Variants in BMPER observed in about 807,000 individuals in gnomAD.
BMPER encodes BMP binding endothelial regulator.
A neutral mutation model predicts 87.3 loss-of-function variants in BMPER; 45 were observed. That is an observed-to-expected ratio of 0.52 (90% confidence interval 0.41 to 0.66). The LOEUF (loss-of-function observed/expected upper bound fraction) is 0.66. Among genes scored for constraint, BMPER ranks in the 30% least tolerant of loss-of-function variants. BMPER has a pLI of 0.00. For synonymous variants in BMPER, 326 were observed against 316.2 expected, an observed-to-expected ratio of 1.03 and a Z score of -0.33; for missense variants, 784 against 867.5, an observed-to-expected ratio of 0.90 and a Z score of 1.21.
At chr7:33,924,440 C>T (rs1018233273) in intron 2 of BMPER, among the ~76,000 whole-genome samples, 3 of 152,086 alleles carry the variant, frequency 2.0e-5, no homozygotes, top group East Asian at 1.9e-4. Context: ...CGGCTCCGGA[C>T]GCCATCTTGG....
At chr7:34,007,156 G>A (rs937751397) in intron 6 of BMPER, among the ~76,000 whole-genome samples, 9 of 151,972 alleles carry the variant, frequency 5.9e-5, no homozygotes, top group Non-Finnish European at 1.0e-4. Flanking sequence ...GCATTGAAAA[G>A]GACATTGAGA....
chr7:34,114,332 A>C (rs1043411769), intron 13 of BMPER, among the ~76,000 whole-genome samples: 1 of 152,188 alleles, frequency 6.6e-6, no homozygotes, highest in South Asian at 2.1e-4. Context: ...ATAGATTCTC[A>C]TCATCCCTTT....
In BMPER at chr7:34,131,737, G is replaced by T. The variant is rs80115315; in HGVS notation, c.1746-11493G>T. The stretch of plus-strand genomic sequence containing the variant: ...CCATGGCCAACACAGGCAAACCCAG[G>T]CTAGTATTGTTCGGCTGCCAATGGG... On this transcript the variant is annotated intron_variant, in intron 13 of 14. Coordinates refer to ENST00000649409, the MANE Select transcript of BMPER (RefSeq NM_001365308.1). 4.4e-3 allele frequency among the ~76,000 whole-genome samples: 664 copies of T among 152,294 alleles called. 3 individuals carry two copies. The highest frequency in any genetic ancestry group is 0.014 in the African/African-American group (590 of 41,564).
chr7:33,906,588 A>G (rs182163486), intron 1 of BMPER, among the ~76,000 whole-genome samples: 5 of 152,344 alleles, frequency 3.3e-5, no homozygotes, highest in Admixed American at 3.3e-4. Context: ...AGAACAGATA[A>G]TTTATCCCTA....
chr7:33,986,768 C>A (rs541124038), intron 6 of BMPER, among the ~76,000 whole-genome samples: 2 of 152,110 alleles, frequency 1.3e-5, no homozygotes, highest in Non-Finnish European at 2.9e-5. Context: ...AAAGAAATAT[C>A]CTTTTTAGTC....
chr7:34,090,597 T>C (rs1425738153), intron 13 of BMPER, among the ~76,000 whole-genome samples: 1 of 152,244 alleles, frequency 6.6e-6, no homozygotes, highest in Non-Finnish European at 1.5e-5. Flanking sequence ...AGATGAGCTA[T>C]GCCTTTGTGG....
At chr7:33,987,230 G>A (rs2127922165) in intron 6 of BMPER, among the ~76,000 whole-genome samples, 1 of 152,210 alleles carries the variant, frequency 6.6e-6, no homozygotes. Context: ...TTTGGAGGGT[G>A]GCAGTGCTCC....
intron 13 of BMPER, among the ~76,000 whole-genome samples, chr7:34,119,014 T>TCTCTCTCTCACACACACACACACACACA (rs66493349): frequency 1.5e-5 from 2 of 135,794 alleles, no homozygotes; most frequent in African/African-American, 5.3e-5. Context: ...TCTCTCTCTC[T>TCTCTCTCTCACACACACACACACACACA]CACACACACA....
At chr7:34,012,213 T>C (rs1786902622) in intron 6 of BMPER, among the ~76,000 whole-genome samples, 1 of 151,952 alleles carries the variant, frequency 6.6e-6, no homozygotes, top group South Asian at 2.1e-4. Flanking sequence ...ATGACTCTCA[T>C]TTCAGTTTGA....
chr7:34,059,642 G>C (rs1183034265), intron 10 of BMPER, among the ~76,000 whole-genome samples: 1 of 151,244 alleles, frequency 6.6e-6, no homozygotes, highest in Non-Finnish European at 1.5e-5. Context: ...TCCCTTCTCG[G>C]GGGCCAGCAG....
rs533740753 is a variant in BMPER at position 34,041,730 on chromosome 7, C to G, written c.577-4576C>G. 1.4e-4 allele frequency among the ~76,000 whole-genome samples: 21 copies of G among 152,254 alleles called. No individual in the cohort carries two copies. The South Asian group carries it at 3.5e-3, about 26-fold the overall frequency. ...GTATTTCTCCCCTACACTGCCCCCTCCAACTTCTCTCTCTTTTCTTCCCAC... is the reference window on the plus strand; with the variant it reads ...GTATTTCTCCCCTACACTGCCCCCTGCAACTTCTCTCTCTTTTCTTCCCAC... On this transcript the variant is annotated intron_variant, in intron 6 of 14. Transcript: ENST00000649409.
chr7:34,031,883 C>CATAT (rs757962483), intron 6 of BMPER, among the ~76,000 whole-genome samples: 29 of 53,056 alleles, frequency 5.5e-4, no homozygotes, highest in Non-Finnish European at 5.7e-4. Flanking sequence ...TTAATTTGAC[C>CATAT]ATATATATAT....
chr7:34,139,353 A>G (rs1355139695), intron 13 of BMPER, among the ~76,000 whole-genome samples: 1 of 152,224 alleles, frequency 6.6e-6, no homozygotes, highest in Non-Finnish European at 1.5e-5. Flanking sequence ...ACCTACAAAT[A>G]GAAGCTCTCA....
intron 6 of BMPER, among the ~76,000 whole-genome samples, chr7:34,030,418 G>A (rs1787490518): frequency 6.6e-6 from 1 of 152,008 alleles, no homozygotes; most frequent in Non-Finnish European, 1.5e-5. Context: ...ACCATATCCT[G>A]TATTTCCCCA....
At chr7:33,989,524 C>T (rs1786134341) in intron 6 of BMPER, among the ~76,000 whole-genome samples, 1 of 152,150 alleles carries the variant, frequency 6.6e-6, no homozygotes, top group Non-Finnish European at 1.5e-5. Flanking sequence ...AGCCCTTTGT[C>T]AGATGAGTAG....
intron 6 of BMPER, among the ~76,000 whole-genome samples, chr7:34,022,687 A>G (rs1787226974): frequency 6.7e-6 from 1 of 150,270 alleles, no homozygotes. Context: ...TTGTTGAACC[A>G]ATCCCTTTAA....
intron 2 of BMPER, among the ~76,000 whole-genome samples, chr7:33,933,728 T>G (rs1258447400): frequency 6.6e-6 from 1 of 152,158 alleles, no homozygotes; most frequent in African/African-American, 2.4e-5. Flanking sequence ...AGAGAGTTCC[T>G]GTCTGGAGCC....
At chr7:34,025,209 T>A (rs1787325313) in intron 6 of BMPER, among the ~76,000 whole-genome samples, 1 of 152,108 alleles carries the variant, frequency 6.6e-6, no homozygotes, top group Admixed American at 6.6e-5. Flanking sequence ...AAACTTTAAC[T>A]TGACCTTTTA....
chr7:33,933,775 C>T (rs1338204821), intron 2 of BMPER, among the ~76,000 whole-genome samples: 1 of 152,094 alleles, frequency 6.6e-6, no homozygotes, highest in African/African-American at 2.4e-5. Context: ...GGCCTGAGGG[C>T]AGGATCATTA....
Sources: gnomAD v4.1 joint callset for allele counts (sites outside exome capture counted in the v4.1 genomes callset) on GRCh38, gnomAD v4.1.1 for gene constraint, MANE v1.5 for transcripts, NCBI Gene and HGNC (gene_info 2026-07-23, HGNC 2026-07-21) for gene names.